RYR2: variants seen among roughly 807,000 people sequenced by gnomAD.
The protein encoded by RYR2 is cardiac muscle ryanodine receptor-calcium release channel.
Under a neutral mutation model 601.1 loss-of-function variants are expected in RYR2, and 227 were observed. The ratio of observed to expected loss-of-function variants is 0.38; its 90% CI spans 0.34 to 0.42. The LOEUF is 0.42. Among genes scored for constraint, RYR2 ranks in the 10% least tolerant of loss-of-function variants. The pLI is 1.00. For missense variants in RYR2, 4,646 were observed against 6,156.5 expected (o/e 0.75, Z 8.21); for synonymous variants, 2,223 against 2,175.1 (o/e 1.02, Z -0.61).
intron 46 of RYR2, among the ~76,000 whole-genome samples, chr1:237,639,409 G>A (rs191560541): frequency 6.6e-6 from 1 of 152,328 alleles, no homozygotes; most frequent in Admixed American, 6.5e-5. Flanking sequence ...AGAAGATGGT[G>A]TAGATTTAGC....
chr1:237,617,243 G>A lies in RYR2; in HGVS notation c.5716-43G>A, dbSNP rs750405376. The A allele has an allele frequency of 4.0e-6, 6 of 1,506,770 alleles. 1 individual carries two copies. In the South Asian group the frequency reaches 6.1e-5, roughly 15 times the overall value. 93.3% of individuals were successfully genotyped at this position (1,506,770 alleles called of 1,614,324 possible). ...TTATGATTTCATACACATTATTAAA[G>A]GATTTAGAAATTAAATTTGGTGTCT... On this transcript the variant is annotated intron_variant, in intron 37 of 104. Transcript: ENST00000366574.
chr1:237,391,639 A>G (rs1702390685), intron 10 of RYR2, among the ~76,000 whole-genome samples: 1 of 152,164 alleles, frequency 6.6e-6, no homozygotes, highest in Admixed American at 6.6e-5. Context: ...GTTATTTAAT[A>G]TACATAACTG....
chr1:237,253,566 A>G (rs1394111581), intron 1 of RYR2, among the ~76,000 whole-genome samples: 1 of 152,252 alleles, frequency 6.6e-6, no homozygotes, highest in Non-Finnish European at 1.5e-5. Context: ...CTTCATGTGC[A>G]AGCTAACCTT....
chr1:237,799,394 A>G (rs1574002590), intron 97 of RYR2, among the ~76,000 whole-genome samples: 1 of 152,174 alleles, frequency 6.6e-6, no homozygotes, highest in South Asian at 2.1e-4. Context: ...TTCTGTGGTC[A>G]TATTTGTGAC....
chr1:237,254,397 T>C (rs1687753020), intron 1 of RYR2, among the ~76,000 whole-genome samples: 2 of 152,248 alleles, frequency 1.3e-5, no homozygotes, highest in South Asian at 4.1e-4. Context: ...CTTCTCCATC[T>C]TTTCTTGTGC....
chr1:237,637,081 C>A (rs578152), intron 44 of RYR2, among the ~76,000 whole-genome samples: 99,177 of 152,012 alleles, frequency 0.65, 32,617 homozygotes, highest in South Asian at 0.76. Flanking sequence ...GAGTGACGGC[C>A]ATGTTCTGCG....
At chr1:237,395,458 A>G (rs1364102574) in intron 10 of RYR2, among the ~76,000 whole-genome samples, 1 of 150,384 alleles carries the variant, frequency 6.6e-6, no homozygotes, top group Non-Finnish European at 1.5e-5. Flanking sequence ...TCCTACATGC[A>G]TTTTAAATAC....
intron 29 of RYR2, among the ~76,000 whole-genome samples, chr1:237,580,097 G>C (rs1211591426): frequency 1.3e-5 from 2 of 151,286 alleles, no homozygotes; most frequent in South Asian, 2.1e-4. Context: ...GAGGAAGACT[G>C]CACATCTCAC....
intron 79 of RYR2, among the ~76,000 whole-genome samples, chr1:237,735,482 A>T (rs1691058745): frequency 6.6e-6 from 1 of 152,140 alleles, no homozygotes; most frequent in Non-Finnish European, 1.5e-5. Context: ...ATCATTTGTG[A>T]AGTGAGGTCT....
At position 237,102,654 on chromosome 1, in the gene RYR2, G is replaced by A. The variant is rs182576226; in HGVS notation, c.48+60085G>A. ...GTGGATCACTTGAGGTCAGGAGTTC[G>A]AGACCAGCCTGGCCAACATTGTGAA... On this transcript the variant is annotated intron_variant, in intron 1 of 104. Coordinates refer to ENST00000366574, the MANE Select transcript of RYR2 (RefSeq NM_001035.3). 3.2e-4 allele frequency among the ~76,000 whole-genome samples: 49 copies of A among 152,036 alleles called. No individual in the cohort carries two copies. The South Asian group carries it at 6.7e-3, about 21-fold the overall frequency.
At chr1:237,204,627 C>T (rs139799645) in intron 1 of RYR2, among the ~76,000 whole-genome samples, 106 of 152,248 alleles carry the variant, frequency 7.0e-4, no homozygotes, top group African/African-American at 2.4e-3. Context: ...TGCTCCATTC[C>T]GCATTCCTTA....
At chr1:237,494,702 T>C (rs547395376) in intron 19 of RYR2, among the ~76,000 whole-genome samples, 133 of 152,334 alleles carry the variant, frequency 8.7e-4, no homozygotes, top group African/African-American at 3.0e-3. Context: ...AGTAGTAACA[T>C]TGACATACTG....
chr1:237,457,386 C>T (rs1038564548), intron 16 of RYR2, among the ~76,000 whole-genome samples: 1 of 152,042 alleles, frequency 6.6e-6, no homozygotes, highest in South Asian at 2.1e-4. Context: ...TATTTTTGAC[C>T]TCCTGTAGCT....
rs146109694 is a variant in RYR2 at position 237,046,339 on chromosome 1, G to T, written c.48+3770G>T. On this transcript the variant is annotated intron_variant, in intron 1 of 104. Coordinates refer to ENST00000366574, the MANE Select transcript of RYR2 (RefSeq NM_001035.3). ...ATAGTGTTCTTTCCAGGAGAGAAAG[G>T]CTTCTTTATCTGCTGTTCAAGTATG... Among the ~76,000 whole-genome samples, 214 of 152,254 alleles carry T rather than the reference G, an allele frequency of 1.4e-3. 1 individual carries two copies. Among genetic ancestry groups the T allele is most frequent in the East Asian group, 2.3e-3 (12 of 5,172 alleles).
intron 88 of RYR2, among the ~76,000 whole-genome samples, chr1:237,780,928 C>T (rs997319793): frequency 6.6e-6 from 1 of 152,098 alleles, no homozygotes; most frequent in African/African-American, 2.4e-5. Flanking sequence ...GCAGGCTTTT[C>T]AAATAAAAGA....
Position 237,778,729 on chromosome 1 carries a change from T to C in RYR2, c.11839T>C (p.Phe3947Leu), listed in dbSNP as rs1490290877. The change falls in exon 88 of 105, where the codon TTT (phenylalanine) becomes CTT (leucine). Residue 3947 changes from phenylalanine to leucine, a missense_variant. This residue lies in a region of RYR2 where 90 missense variants were observed against 213.3 expected (regional missense o/e 0.42). Transcript: ENST00000366574. The stretch of plus-strand genomic sequence containing the variant: ...CAGGCTGTGGGATGCTGTGGTCGGC[T>C]TTCTTCATGTGTTTGCCCATATGCA... ...HSRLWDAVVG[F>L]LHVFAHMQMK... The C allele has an allele frequency of 6.2e-7, 1 of 1,611,988 alleles. No individual in the cohort carries two copies. The highest frequency in any genetic ancestry group is 1.3e-5 in the African/African-American group (1 of 74,904).
At chr1:237,605,285 C>T (rs569548573) in intron 35 of RYR2, among the ~76,000 whole-genome samples, 8 of 152,264 alleles carry the variant, frequency 5.3e-5, no homozygotes, top group Admixed American at 1.3e-4. Flanking sequence ...AATTAATAAA[C>T]GTAATCCAGC....
At chr1:237,652,457 C>T (rs986366361) in intron 51 of RYR2, among the ~76,000 whole-genome samples, 1 of 152,032 alleles carries the variant, frequency 6.6e-6, no homozygotes, top group Non-Finnish European at 1.5e-5. Flanking sequence ...GCAATGCCAT[C>T]TAGTAGCATT....
At chr1:237,476,509 C>CAAAAAAA (rs56116691) in intron 17 of RYR2, among the ~76,000 whole-genome samples, 5 of 70,192 alleles carry the variant, frequency 7.1e-5, no homozygotes, top group Non-Finnish European at 1.2e-4. Flanking sequence ...GACTCTGTCT[C>CAAAAAAA]AAAAAAAAAA....
Sources: allele counts gnomAD v4.1 joint callset (sites outside exome capture counted in the v4.1 genomes callset), GRCh38; gene constraint gnomAD v4.1.1; regional missense constraint gnomAD v4.1.1; transcripts MANE v1.5; gene names NCBI Gene and HGNC (gene_info 2026-07-23, HGNC 2026-07-21).